The following SNIP1 variants were observed in gnomAD, a reference collection of about 807,000 sequenced individuals.
SNIP1 encodes the protein Smad nuclear interacting protein 1, also known as smad nuclear-interacting protein 1.
SNIP1 carries 23 observed loss-of-function variants against 37.4 expected under a neutral mutation model. The observed-to-expected ratio is 0.61, with a 90% confidence interval of 0.44 to 0.87. The LOEUF is 0.87. Among genes scored for constraint, SNIP1 ranks in the 40% least tolerant of loss-of-function variants. SNIP1 has a pLI of 0.00. For synonymous variants in SNIP1, 174 were observed against 200.0 expected (o/e 0.87, Z 1.10); for missense variants, 459 against 540.4 (o/e 0.85, Z 1.49).
At chr1:37,551,077 ACAC>A in intron 2 of SNIP1, among the ~76,000 whole-genome samples, 1 of 58,888 alleles carries the variant, frequency 1.7e-5, no homozygotes, top group East Asian at 5.5e-4. Flanking sequence ...CCTGGGTGAC[ACAC>A]ACACACACAC....
Position 37,536,500 on chromosome 1 carries a change from G to C in SNIP1, c.*1248C>G, listed in dbSNP as rs751449860. The C allele has an allele frequency of 3.3e-5, 5 of 152,368 alleles. No individual in the cohort carries two copies. Among genetic ancestry groups the C allele is most frequent in the Non-Finnish European group, 7.4e-5 (5 of 68,026 alleles). 9.4% of individuals were successfully genotyped at this position (152,368 alleles called of 1,614,324 possible). On this transcript the variant is annotated 3_prime_UTR_variant, in exon 4 of 4. Coordinates refer to ENST00000296215, the MANE Select transcript of SNIP1 (RefSeq NM_024700.4). ...GCAGCAAACAGACCTATGAACACAA[G>C]GTCCTCTACGCTAGGAAAGCATTAC...
intron 3 of SNIP1, among the ~76,000 whole-genome samples, chr1:37,538,769 C>A (rs2148112104): frequency 6.6e-6 from 1 of 152,182 alleles, no homozygotes; most frequent in Non-Finnish European, 1.5e-5. Flanking sequence ...TCTACTATGG[C>A]AGGGGTCCCC....
intron 3 of SNIP1, 109 bp from the exon 4 acceptor site, chr1:37,538,121 A>G: frequency 1.6e-6 from 2 of 1,275,852 alleles, no homozygotes; most frequent in Non-Finnish European, 2.1e-6. Flanking sequence ...ACCTGGCTTG[A>G]GCACAATTCA....
rs557256113 is a variant in SNIP1, at chr1:37,537,520, A to T, written c.*228T>A. ...TAATTGGTGAGACTGTTCTGAAAAC[A>T]AATGCCTGCAGGCATGTGGCCAAGG... is the stretch of plus-strand genomic sequence containing the variant. On this transcript the variant is annotated 3_prime_UTR_variant, in exon 4 of 4. Coordinates refer to ENST00000296215, the MANE Select transcript of SNIP1 (RefSeq NM_024700.4). The T allele has an allele frequency of 3.3e-4, 170 of 511,754 alleles. No individual in the cohort carries two copies. The highest frequency in any genetic ancestry group is 3.1e-3 in the African/African-American group (160 of 52,274). 31.7% of individuals were successfully genotyped at this position (511,754 alleles called of 1,614,324 possible).
rs1182223894 is a variant in SNIP1, at chr1:37,537,813, T to C, written c.1126A>G (p.Thr376Ala). Reference sequence around the variant, plus strand: ...TCATCTTTCCTGTCTATTTCAGAAGTGTCCGACGACTCATGGAGCAAGACG... The same window carrying C: ...TCATCTTTCCTGTCTATTTCAGAAGCGTCCGACGACTCATGGAGCAAGACG... Reference protein sequence around the residue: ...EYVLLHESSDTSEIDRKDDED... With the variant: ...EYVLLHESSDASEIDRKDDED... The change falls in exon 4 of 4, where the codon ACT (threonine) becomes GCT (alanine). Residue 376 changes from threonine (T) to alanine (A), a missense_variant. By Grantham distance (58) the Thr-to-Ala change is moderately conservative. Coordinates refer to ENST00000296215, the MANE Select transcript of SNIP1 (RefSeq NM_024700.4). The C allele has an allele frequency of 3.1e-6, 5 of 1,614,132 alleles. No homozygotes were observed. Among genetic ancestry groups the C allele is most frequent in the Non-Finnish European group, 4.2e-6 (5 of 1,180,042 alleles).
At chr1:37,545,313 AT>A in intron 2 of SNIP1, 1 of 594,124 alleles carries the variant, frequency 1.7e-6, no homozygotes, top group Admixed American at 1.9e-5. Flanking sequence ...CCTTAGGCTA[AT>A]TTCCCCATAG....
At chr1:37,544,945 T>C in intron 2 of SNIP1, 2 of 872,504 alleles carry the variant, frequency 2.3e-6, no homozygotes, top group South Asian at 1.3e-5. Context: ...AGAGGGAACA[T>C]GCCAAGAAAC....
chr1:37,539,911 C>G (rs1643150210), intron 3 of SNIP1, among the ~76,000 whole-genome samples: 1 of 152,046 alleles, frequency 6.6e-6, no homozygotes, highest in Non-Finnish European at 1.5e-5. Context: ...TGTGTTTGCT[C>G]CACTGCACTC....
intron 2 of SNIP1, among the ~76,000 whole-genome samples, chr1:37,547,292 T>A (rs1438294324): frequency 1.3e-5 from 2 of 152,304 alleles, no homozygotes; most frequent in East Asian, 3.9e-4. Context: ...TATATCATAG[T>A]GATTACCTCT....
chr1:37,553,988 G>T lies in SNIP1; in HGVS notation c.224+18C>A. 6.4e-7 allele frequency: 1 copy of T among 1,551,806 alleles called. No homozygotes were observed. Among genetic ancestry groups the T allele is most frequent in the South Asian group, 1.2e-5 (1 of 84,588 alleles). The stretch of plus-strand genomic sequence containing the variant: ...TGAGCCCAACCCAATGTCCATCCTG[G>T]ACTGCTCCCCCACTTACCGGCTAAC... On this transcript the variant is annotated intron_variant, in intron 1 of 3. Transcript: ENST00000296215.
Position 37,554,000 on chromosome 1 carries a change from A to G in SNIP1, c.224+6T>C. 6.4e-7 allele frequency: 1 copy of G among 1,556,620 alleles called. No homozygotes were observed. The highest frequency in any genetic ancestry group is 8.7e-7 in the Non-Finnish European group (1 of 1,150,784). On this transcript the variant is annotated splice_donor_region_variant and intron_variant, in intron 1 of 3. Coordinates refer to ENST00000296215, the MANE Select transcript of SNIP1 (RefSeq NM_024700.4). ...AATGTCCATCCTGGACTGCTCCCCC[A>G]CTTACCGGCTAACTCCTCGGGCTCG... is the stretch of plus-strand genomic sequence containing the variant.
chr1:37,544,439 T>C (rs1643206351), intron 2 of SNIP1, among the ~76,000 whole-genome samples: 1 of 125,552 alleles, frequency 8.0e-6, no homozygotes, highest in Non-Finnish European at 1.6e-5. Context: ...AGAATGAGAC[T>C]CTGTCTCAAA....
chr1:37,540,745 TC>T lies in SNIP1; in HGVS notation c.337del (p.Asp113IlefsTer130). On this transcript the variant is annotated frameshift_variant, in exon 3 of 4. Coordinates refer to ENST00000296215, the MANE Select transcript of SNIP1 (RefSeq NM_024700.4). LOFTEE classifies it high-confidence loss of function. This position sits in a 1 kb window ranked among gnomAD's most constrained non-coding sequence, Gnocchi z 5.6. Reference sequence around the variant, plus strand: ...ATCCTCCCGTCCTCTCCGGGGATGATCCTCACGCTCCTAAAATTCAAACAGA... The same window carrying T: ...ATCCTCCCGTCCTCTCCGGGGATGATCTCACGCTCCTAAAATTCAAACAGA... Reference protein sequence around the residue: ...STVKVKQEREDHPRRGREDRQ... With the variant: ...STVKVKQEREXHPRRGREDRQ... 1 of 1,593,480 alleles carries T rather than the reference TC, an allele frequency of 6.3e-7. No homozygotes were observed.
intron 3 of SNIP1, among the ~76,000 whole-genome samples, chr1:37,539,666 C>T (rs184401491): frequency 3.2e-4 from 48 of 152,268 alleles, no homozygotes; most frequent in Middle Eastern, 3.4e-3. Context: ...GTTGAGATCG[C>T]GCCACTGCAC....
intron 1 of SNIP1, among the ~76,000 whole-genome samples, chr1:37,553,403 CTA>C (rs1255556817): frequency 2.0e-5 from 3 of 152,138 alleles, no homozygotes; most frequent in Non-Finnish European, 2.9e-5. Context: ...CTAACTGAAA[CTA>C]TTTTGTTTAT....
rs1024244870 is a variant in SNIP1 at position 37,549,981 on chromosome 1, A to T, written c.327+2664T>A. Among the ~76,000 whole-genome samples the T allele has an allele frequency of 1.2e-4, 19 of 152,226 alleles. 1 individual carries two copies. The highest frequency in any genetic ancestry group is 1.3e-4 in the Admixed American group (2 of 15,272). The stretch of plus-strand genomic sequence containing the variant: ...TTTGACAAAAGAGCAAAAGTAATTC[A>T]TTGGAGGAAAGATGGTCTTTTCAAC... On this transcript the variant is annotated intron_variant, in intron 2 of 3. Coordinates refer to ENST00000296215, the MANE Select transcript of SNIP1 (RefSeq NM_024700.4).
At position 37,554,077 on chromosome 1, in the gene SNIP1, A is replaced by G; in HGVS notation, c.153T>C (p.Gly51=). 1.3e-5 allele frequency: 21 copies of G among 1,605,690 alleles called. No individual in the cohort carries two copies. The highest frequency in any genetic ancestry group is 1.8e-5 in the Non-Finnish European group (21 of 1,177,112). Residue 51 remains glycine, a synonymous_variant, in exon 1 of 4, where the codon GGT becomes GGC. Coordinates refer to ENST00000296215, the MANE Select transcript of SNIP1 (RefSeq NM_024700.4). ...PAHRRPDHSG[G]SPSPPTSEPA... ...GCTCGCTGGTCGGCGGAGACGGGCT[A>G]CCACCGGAGTGGTCCGGACGGCGGT...
At chr1:37,548,143 A>G (rs1177977220) in intron 2 of SNIP1, among the ~76,000 whole-genome samples, 1 of 104,112 alleles carries the variant, frequency 9.6e-6, no homozygotes, top group Non-Finnish European at 1.8e-5. Flanking sequence ...ACGCAGCGAG[A>G]CTCCATATCA....
At chr1:37,544,748 A>T in intron 2 of SNIP1, 2 of 676,668 alleles carry the variant, frequency 3.0e-6, no homozygotes, top group East Asian at 5.6e-5. Context: ...CCGCACAGCC[A>T]CCGTGGCCAC....
Sources: allele counts gnomAD v4.1 joint callset (sites outside exome capture counted in the v4.1 genomes callset), GRCh38; gene constraint gnomAD v4.1.1; non-coding constraint Gnocchi (gnomAD v3.1); transcripts MANE v1.5; gene names NCBI Gene and HGNC (gene_info 2026-07-23, HGNC 2026-07-21).